The following RBFOX1 variants were observed in gnomAD, a reference collection of about 807,000 sequenced individuals.
RBFOX1 encodes RNA binding protein fox-1 homolog 1.
A neutral mutation model predicts 57.7 loss-of-function variants in RBFOX1; 8 were observed. The observed-to-expected ratio is 0.14, with a 90% confidence interval of 0.08 to 0.25. The LOEUF (loss-of-function observed/expected upper bound fraction) is 0.25. RBFOX1 is among the 10% of genes least tolerant of loss of function. The probability of loss-of-function intolerance (pLI) is 1.00; values close to 1 mark genes in which losing one functional copy is unlikely to be tolerated. For missense variants in RBFOX1, 611 were observed against 548.5 expected, an observed-to-expected ratio of 1.11 and a Z score of -1.14; for synonymous variants, 326 against 222.4, an observed-to-expected ratio of 1.47 and a Z score of -4.15.
chr16:5,291,730 T>C (rs972724680), intron 1 of RBFOX1, among the ~76,000 whole-genome samples: 2 of 152,142 alleles, frequency 1.3e-5, no homozygotes, highest in Admixed American at 1.3e-4. Context: ...GTCAAACAGC[T>C]GGAGGTGATC....
At chr16:5,968,997 C>G (rs1190047278) in intron 4 of RBFOX1, among the ~76,000 whole-genome samples, 1 of 151,740 alleles carries the variant, frequency 6.6e-6, no homozygotes, top group African/African-American at 2.4e-5. Context: ...ATTGATTTGC[C>G]CTTAGGTTTT....
rs144535891 is a variant in RBFOX1, at chr16:5,586,171, G to C, written c.259-12731G>C. On this transcript the variant is annotated intron_variant, in intron 2 of 2. Transcript: ENST00000585867. ...GCCAGCAGAAGTTGGGGGAGAGGCAGAGCATAAATTATCCCACAGAACTTC... is the reference window on the plus strand; with the variant it reads ...GCCAGCAGAAGTTGGGGGAGAGGCACAGCATAAATTATCCCACAGAACTTC... Among the ~76,000 whole-genome samples, 254 of 152,284 alleles carry C rather than the reference G, an allele frequency of 1.7e-3. 1 individual carries two copies. Among genetic ancestry groups the C allele is most frequent in the South Asian group, 0.013 (63 of 4,818 alleles).
In RBFOX1 at chr16:5,357,926, G is replaced by A. The variant is rs558432053; in HGVS notation, c.220-109290G>A. The stretch of plus-strand genomic sequence containing the variant: ...AAAATGACGATTAGGAATACTAATA[G>A]TGAGTTTGGAATACATTAAAAATTG... On this transcript the variant is annotated intron_variant, in intron 1 of 2. Coordinates refer to the RBFOX1 transcript ENST00000585867. Among the ~76,000 whole-genome samples, 4 of 152,350 alleles carry A rather than the reference G, an allele frequency of 2.6e-5. No individual in the cohort carries two copies. In the South Asian group the frequency reaches 8.3e-4, roughly 32 times the overall value.
At chr16:7,028,375 C>G (rs1456956455) in intron 3 of RBFOX1, among the ~76,000 whole-genome samples, 1 of 152,022 alleles carries the variant, frequency 6.6e-6, no homozygotes, top group South Asian at 2.1e-4. Context: ...GATTTTATCT[C>G]TCTGATGCTT....
intron 4 of RBFOX1, among the ~76,000 whole-genome samples, chr16:7,456,370 A>G (rs1338325315): frequency 6.6e-6 from 1 of 152,208 alleles, no homozygotes; most frequent in African/African-American, 2.4e-5. Context: ...TCACCCAAGT[A>G]CATCTGCTAT....
At chr16:6,762,772 G>A (rs1603616750) in intron 3 of RBFOX1, among the ~76,000 whole-genome samples, 1 of 152,070 alleles carries the variant, frequency 6.6e-6, no homozygotes, top group East Asian at 1.9e-4. Context: ...GGGGATAGGG[G>A]GTAGTCAGGA....
At chr16:5,740,216 C>T (rs184052135) in intron 3 of RBFOX1, among the ~76,000 whole-genome samples, 22 of 152,142 alleles carry the variant, frequency 1.4e-4, no homozygotes, top group Admixed American at 3.3e-4. Context: ...GAGTTGGGGC[C>T]GGTGTTAACA....
intron 2 of RBFOX1, among the ~76,000 whole-genome samples, chr16:6,373,028 T>G (rs1400290547): frequency 1.3e-5 from 2 of 150,016 alleles, no homozygotes; most frequent in African/African-American, 4.9e-5. Context: ...TTGGGTGGAA[T>G]GGAGATTCAG....
intron 2 of RBFOX1, among the ~76,000 whole-genome samples, chr16:5,587,253 T>A (rs1422240112): frequency 1.3e-5 from 2 of 152,092 alleles, no homozygotes; most frequent in African/African-American, 4.8e-5. Flanking sequence ...CACAACTCAA[T>A]TAAAAAATGG....
chr16:5,515,035 G>A (rs1248898214), intron 2 of RBFOX1, among the ~76,000 whole-genome samples: 5 of 151,834 alleles, frequency 3.3e-5, no homozygotes, highest in Non-Finnish European at 5.9e-5. Flanking sequence ...GAGGAGCAAG[G>A]TCCCAGACTC....
At chr16:6,352,807 C>T (rs569057572) in intron 2 of RBFOX1, among the ~76,000 whole-genome samples, 57 of 152,286 alleles carry the variant, frequency 3.7e-4, no homozygotes, top group African/African-American at 1.2e-3. Flanking sequence ...TTTAGTATTT[C>T]CAGGCAATCA....
chr16:5,390,832 A>G lies in RBFOX1; in HGVS notation c.220-76384A>G, dbSNP rs2066388468. On this transcript the variant is annotated intron_variant, in intron 1 of 2. Coordinates refer to the RBFOX1 transcript ENST00000585867. ...CTGGGCTTGAAGGATAGTGCATGTG[A>G]TGCTGAAGCTGTGGCAGCCATCTTG... is the stretch of plus-strand genomic sequence containing the variant. Among the ~76,000 whole-genome samples, 3 of 152,152 alleles carry G rather than the reference A, an allele frequency of 2.0e-5. No homozygotes were observed. The South Asian group carries it at 6.2e-4, about 32-fold the overall frequency.
intron 3 of RBFOX1, among the ~76,000 whole-genome samples, chr16:6,822,767 C>G (rs1235488121): frequency 2.0e-5 from 3 of 152,154 alleles, no homozygotes; most frequent in African/African-American, 4.8e-5. Flanking sequence ...CCAGAAGAAC[C>G]TATGGGACAA....
At chr16:7,166,542 C>G (rs538082285) in intron 4 of RBFOX1, among the ~76,000 whole-genome samples, 2 of 152,236 alleles carry the variant, frequency 1.3e-5, no homozygotes, top group African/African-American at 2.4e-5. Context: ...AAGCCTAGAG[C>G]TGAGGTGGCC....
rs74525581 is a variant in RBFOX1, at chr16:6,498,635, A to T, written c.-63-155968A>T. ...CAATATACAATTAGTTCCTAGCACA[A>T]TGTCTGCCCATATTAAGGACTTCGA... is the stretch of plus-strand genomic sequence containing the variant. On this transcript the variant is annotated intron_variant, in intron 2 of 15. Transcript: ENST00000550418. Among the ~76,000 whole-genome samples the T allele has an allele frequency of 3.2e-3, 487 of 152,300 alleles. 3 individuals are homozygous for T. Among genetic ancestry groups the T allele is most frequent in the African/African-American group, 0.011 (450 of 41,552 alleles).
chr16:5,309,199 G>A (rs1026618149), intron 1 of RBFOX1, among the ~76,000 whole-genome samples: 1 of 152,112 alleles, frequency 6.6e-6, no homozygotes, highest in Non-Finnish European at 1.5e-5. Context: ...GGAGATAAAT[G>A]GTTTTGCTTT....
At position 6,422,835 on chromosome 16, in the gene RBFOX1, G is replaced by C. The variant is rs529148718; in HGVS notation, c.-64+105778G>C. 1.9e-4 allele frequency among the ~76,000 whole-genome samples: 29 copies of C among 152,250 alleles called. 1 individual carries two copies. The highest frequency in any genetic ancestry group is 6.3e-4 in the African/African-American group (26 of 41,562). On this transcript the variant is annotated intron_variant, in intron 2 of 15. Coordinates refer to ENST00000550418, the MANE Select transcript of RBFOX1 (RefSeq NM_018723.4). ...CCTCCAACATTGGAGACCACAATTTGACATGAGATTTGGCAAGGACAGAGA... is the reference window on the plus strand; with the variant it reads ...CCTCCAACATTGGAGACCACAATTTCACATGAGATTTGGCAAGGACAGAGA...
At position 7,526,606 on chromosome 16, in the gene RBFOX1, A is replaced by C. The variant is rs577541101; in HGVS notation, c.270+8217A>C. Reference sequence around the variant, plus strand: ...TTTACGCCTCATGTACTTACATTGAAAGTTTGGCAAAATAATTGAAGGTTG... The same window carrying C: ...TTTACGCCTCATGTACTTACATTGACAGTTTGGCAAAATAATTGAAGGTTG... On this transcript the variant is annotated intron_variant, in intron 5 of 15. Coordinates refer to ENST00000550418, the MANE Select transcript of RBFOX1 (RefSeq NM_018723.4). 1.5e-3 allele frequency among the ~76,000 whole-genome samples: 227 copies of C among 152,342 alleles called. 1 individual carries two copies. The highest frequency in any genetic ancestry group is 3.4e-3 in the Middle Eastern group (1 of 294).
intron 1 of RBFOX1, among the ~76,000 whole-genome samples, chr16:6,255,649 G>T (rs2097656514): frequency 6.6e-6 from 1 of 151,984 alleles, no homozygotes; most frequent in South Asian, 2.1e-4. Context: ...GGTCAACCTG[G>T]AAGTATGACG....
Sources: allele counts gnomAD v4.1 joint callset (sites outside exome capture counted in the v4.1 genomes callset), GRCh38; gene constraint gnomAD v4.1.1; transcripts MANE v1.5; gene names NCBI Gene and HGNC (gene_info 2026-07-23, HGNC 2026-07-21).